IL1RAPL2: variants seen among roughly 807,000 people sequenced by gnomAD.
IL1RAPL2 encodes the protein interleukin 1 receptor accessory protein like 2.
IL1RAPL2 carries 3 observed loss-of-function variants against 44.1 expected under a neutral mutation model. The observed-to-expected ratio is 0.07, with a 90% CI of 0.03 to 0.18. The LOEUF is 0.18. Among genes scored for constraint, IL1RAPL2 ranks in the 10% least tolerant of loss-of-function variants. IL1RAPL2 has a pLI of 1.00. For missense variants in IL1RAPL2, 391 were observed against 496.4 expected, an observed-to-expected ratio of 0.79 and a Z score of 2.02; for synonymous variants, 181 against 178.8, an observed-to-expected ratio of 1.01 and a Z score of -0.10.
chrX:105,034,224 C>T (rs763793677), intron 2 of IL1RAPL2, among the ~76,000 whole-genome samples: 3 of 112,238 alleles, frequency 2.7e-5, no homozygotes, highest in South Asian at 3.7e-4. Context: ...CCTCTCAACT[C>T]GTCAAAGTCA....
chrX:104,884,895 A>G (rs1923187633), intron 2 of IL1RAPL2, among the ~76,000 whole-genome samples: 1 of 111,073 alleles, frequency 9.0e-6, no homozygotes, highest in Non-Finnish European at 1.9e-5. Flanking sequence ...AAATAAGCAA[A>G]GAAATCTCCA....
intron 3 of IL1RAPL2, among the ~76,000 whole-genome samples, chrX:105,208,229 G>A (rs2033780488): frequency 8.9e-6 from 1 of 111,846 alleles, no homozygotes; most frequent in Non-Finnish European, 1.9e-5. Context: ...TAGACATTGA[G>A]CAATTCTTAG....
At chrX:105,204,219 T>C (rs1202062833) in intron 3 of IL1RAPL2, among the ~76,000 whole-genome samples, 1 of 111,729 alleles carries the variant, frequency 9.0e-6, no homozygotes, top group Non-Finnish European at 1.9e-5. Flanking sequence ...TCATATGGTG[T>C]CCCTTTATGT....
intron 2 of IL1RAPL2, among the ~76,000 whole-genome samples, chrX:105,087,965 A>C (rs1487688136): frequency 8.9e-6 from 1 of 112,335 alleles, no homozygotes. Context: ...GTTCGATTAG[A>C]GTAATGTATT....
intron 3 of IL1RAPL2, among the ~76,000 whole-genome samples, chrX:105,200,055 G>T (rs1356954845): frequency 9.0e-6 from 1 of 111,417 alleles, no homozygotes; most frequent in Non-Finnish European, 1.9e-5. Context: ...TTATGCAATT[G>T]CCAAGAGTGA....
At chrX:105,430,396 A>G (rs1161636564) in intron 5 of IL1RAPL2, among the ~76,000 whole-genome samples, 1 of 111,623 alleles carries the variant, frequency 9.0e-6, no homozygotes, top group African/African-American at 3.2e-5. Flanking sequence ...GATAAAAATT[A>G]TGTGTCATCC....
chrX:105,336,010 G>A (rs1272944410), intron 5 of IL1RAPL2, among the ~76,000 whole-genome samples: 1 of 112,017 alleles, frequency 8.9e-6, no homozygotes, highest in African/African-American at 3.2e-5. Flanking sequence ...AAGATGAAAT[G>A]TTTCTCATTT....
intron 2 of IL1RAPL2, among the ~76,000 whole-genome samples, chrX:104,810,693 CCTAA>C (rs1364321008): frequency 9.0e-6 from 1 of 111,612 alleles, no homozygotes; most frequent in Non-Finnish European, 1.9e-5. Flanking sequence ...CCTAGCCTGT[CCTAA>C]CTGATACAGC....
chrX:104,952,678 A>T (rs896075236), intron 2 of IL1RAPL2, among the ~76,000 whole-genome samples: 1 of 111,658 alleles, frequency 9.0e-6, no homozygotes, highest in Non-Finnish European at 1.9e-5. Flanking sequence ...GGTGTTTTTC[A>T]TATCATCTGA....
chrX:105,710,420 C>T (rs1451824991), intron 6 of IL1RAPL2, among the ~76,000 whole-genome samples: 1 of 92,933 alleles, frequency 1.1e-5, no homozygotes, highest in Non-Finnish European at 2.1e-5. Context: ...TGTCTTTCTG[C>T]CTCATCAACT....
Position 104,983,478 on chromosome X carries a change from T to C in IL1RAPL2, c.83-211997T>C, listed in dbSNP as rs2030488144. On this transcript the variant is annotated intron_variant, in intron 2 of 10. Coordinates refer to ENST00000372582, the MANE Select transcript of IL1RAPL2 (RefSeq NM_017416.2). The stretch of plus-strand genomic sequence containing the variant: ...ATATAATATTAGATACATAATATTA[T>C]ATAATATTATATTAGATACATAATA... Among the ~76,000 whole-genome samples the C allele has an allele frequency of 3.0e-5, 3 of 100,421 alleles. No individual in the cohort carries two copies. The South Asian group carries it at 1.2e-3, about 40-fold the overall frequency. 87.2% of individuals were successfully genotyped at this position (100,421 alleles called of 115,157 possible). A position where few individuals can be genotyped will look rare whatever the true frequency, so the allele number is the denominator to read the frequency against.
Position 105,244,380 on chromosome X carries a change from A to G in IL1RAPL2, c.543+10376A>G, listed in dbSNP as rs759281112. Among the ~76,000 whole-genome samples the G allele has an allele frequency of 5.4e-5, 6 of 111,615 alleles. No homozygotes were observed. In the South Asian group the frequency reaches 2.2e-3, roughly 42 times the overall value. On this transcript the variant is annotated intron_variant, in intron 4 of 10. Coordinates refer to ENST00000372582, the MANE Select transcript of IL1RAPL2 (RefSeq NM_017416.2). ...AGCCAAATTTTATACCCCCTGCAAT[A>G]TTGCCATTTACTACTAGGTTCTTTC...
At chrX:105,307,015 C>A (rs895707952) in intron 5 of IL1RAPL2, among the ~76,000 whole-genome samples, 3 of 110,605 alleles carry the variant, frequency 2.7e-5, no homozygotes, top group Non-Finnish European at 5.7e-5. Context: ...GGCAGGCGTG[C>A]GTGCACATGC....
At chrX:105,106,894 C>T in intron 2 of IL1RAPL2, among the ~76,000 whole-genome samples, 1 of 111,578 alleles carries the variant, frequency 9.0e-6, no homozygotes, top group African/African-American at 3.3e-5. Context: ...TTGATCTCTC[C>T]TTCTGGGCCA....
intron 7 of IL1RAPL2, among the ~76,000 whole-genome samples, chrX:105,729,967 A>G (rs2038392259): frequency 9.1e-6 from 1 of 109,768 alleles, no homozygotes; most frequent in South Asian, 3.9e-4. Flanking sequence ...GAAATAATAC[A>G]AAACAACCAG....
Position 105,642,881 on chromosome X carries a change from A to G in IL1RAPL2, c.773-74486A>G, listed in dbSNP as rs771977988. On this transcript the variant is annotated intron_variant, in intron 6 of 10. Coordinates refer to ENST00000372582, the MANE Select transcript of IL1RAPL2 (RefSeq NM_017416.2). Reference sequence around the variant, plus strand: ...AAGCCAGTTTTCTTCTTACTATGTAACAATTGCTTCTGTGGGCATGCTGCC... The same window carrying G: ...AAGCCAGTTTTCTTCTTACTATGTAGCAATTGCTTCTGTGGGCATGCTGCC... Among the ~76,000 whole-genome samples the G allele has an allele frequency of 1.2e-4, 14 of 112,967 alleles. No individual in the cohort carries two copies. In the East Asian group the frequency reaches 2.8e-3, roughly 23 times the overall value.
At chrX:104,677,754 G>C (rs1471580870) in intron 2 of IL1RAPL2, among the ~76,000 whole-genome samples, 3 of 111,952 alleles carry the variant, frequency 2.7e-5, no homozygotes, top group South Asian at 3.9e-4. Flanking sequence ...GCGAGACTCC[G>C]TGGGGTAGGA....
chrX:104,791,399 A>T (rs748332934), intron 2 of IL1RAPL2, among the ~76,000 whole-genome samples: 61 of 111,607 alleles, frequency 5.5e-4, no homozygotes, highest in South Asian at 1.1e-3. Context: ...TTCGTTCCTA[A>T]ATGAGCAGAA....
intron 9 of IL1RAPL2, among the ~76,000 whole-genome samples, chrX:105,754,090 G>A (rs956726909): frequency 8.9e-6 from 1 of 111,936 alleles, no homozygotes; most frequent in Non-Finnish European, 1.9e-5. Context: ...GTTCTAATTA[G>A]GTATGTTTTA....
Sources: gnomAD v4.1 joint callset for allele counts (sites outside exome capture counted in the v4.1 genomes callset) on GRCh38, gnomAD v4.1.1 for gene constraint, MANE v1.5 for transcripts, NCBI Gene and HGNC (gene_info 2026-07-23, HGNC 2026-07-21) for gene names.